Variants in RGL1 observed in about 807,000 individuals in gnomAD.
RGL1 encodes ral guanine nucleotide dissociation stimulator like 1.
Under a neutral mutation model 95.2 loss-of-function variants are expected in RGL1, and 24 were observed. The observed-to-expected ratio is 0.25, with a 90% CI of 0.18 to 0.35. The LOEUF is 0.35. RGL1 is among the 10% of genes least tolerant of loss of function. The pLI is 1.00. For synonymous variants in RGL1, 329 were observed against 344.9 expected (o/e 0.95, Z 0.51); for missense variants, 715 against 936.3 (o/e 0.76, Z 3.08).
At chr1:183,856,174 A>G (rs185728825) in intron 3 of RGL1, among the ~76,000 whole-genome samples, 2 of 152,282 alleles carry the variant, frequency 1.3e-5, no homozygotes, top group Admixed American at 6.5e-5. Flanking sequence ...GAAGGCTGCT[A>G]TTTAAGATTT....
At chr1:183,788,587 A>G (rs1361383145) in intron 2 of RGL1, among the ~76,000 whole-genome samples, 1 of 152,184 alleles carries the variant, frequency 6.6e-6, no homozygotes, top group African/African-American at 2.4e-5. Context: ...AGCAGTATGT[A>G]TCATTTAGTA....
chr1:183,873,510 G>A (rs568574985), intron 4 of RGL1, among the ~76,000 whole-genome samples: 29 of 152,190 alleles, frequency 1.9e-4, no homozygotes, highest in South Asian at 8.3e-4. Flanking sequence ...TTGAACTCCC[G>A]TCCAACTGAC....
At chr1:183,718,446 A>T (rs1034843050) in intron 1 of RGL1, among the ~76,000 whole-genome samples, 1 of 152,230 alleles carries the variant, frequency 6.6e-6, no homozygotes, top group East Asian at 1.9e-4. Context: ...AAACTTTTTC[A>T]TATCAACCTA....
intron 1 of RGL1, among the ~76,000 whole-genome samples, chr1:183,658,502 G>A (rs1651359584): frequency 6.6e-6 from 1 of 152,132 alleles, no homozygotes; most frequent in Admixed American, 6.5e-5. Context: ...AGCGAGGCTG[G>A]GGGAGGGGTG....
At chr1:183,918,606 G>A (rs974269195) in intron 16 of RGL1, among the ~76,000 whole-genome samples, 4 of 152,330 alleles carry the variant, frequency 2.6e-5, no homozygotes, top group Admixed American at 1.3e-4. Context: ...CTACTGCCCA[G>A]GAGGAGTCAC....
At chr1:183,768,571 C>A (rs980752000) in intron 2 of RGL1, among the ~76,000 whole-genome samples, 6 of 144,886 alleles carry the variant, frequency 4.1e-5, no homozygotes, top group African/African-American at 1.5e-4. Context: ...TGGACTCAAG[C>A]AATCCTCCCA....
chr1:183,713,038 T>C (rs1655379912), intron 1 of RGL1, among the ~76,000 whole-genome samples: 1 of 152,136 alleles, frequency 6.6e-6, no homozygotes, highest in Admixed American at 6.5e-5. Flanking sequence ...TTTTTTGTTT[T>C]GTTTTGAGAC....
rs1452334739 is a variant in RGL1, at chr1:183,897,904, C to G, written c.1230+7C>G. On this transcript the variant is annotated splice_region_variant and intron_variant, in intron 10 of 17. Coordinates refer to ENST00000360851, the MANE Select transcript of RGL1 (RefSeq NM_001297671.3). ...GCAGCTCCAGAAGGACATGGTATGTCTGGCCCTCGTCTTCCCTGACAGCTC... is the reference window on the plus strand; with the variant it reads ...GCAGCTCCAGAAGGACATGGTATGTGTGGCCCTCGTCTTCCCTGACAGCTC... The G allele has an allele frequency of 6.2e-7, 1 of 1,612,600 alleles. No homozygotes were observed. The highest frequency in any genetic ancestry group is 8.5e-7 in the Non-Finnish European group (1 of 1,178,696).
intron 4 of RGL1, among the ~76,000 whole-genome samples, chr1:183,866,284 G>C (rs1208412409): frequency 1.3e-5 from 2 of 151,996 alleles, no homozygotes; most frequent in African/African-American, 2.4e-5. Flanking sequence ...TTGTGCTAAG[G>C]TATACAAAAC....
intron 4 of RGL1, among the ~76,000 whole-genome samples, chr1:183,873,670 AC>A (rs1339407787): frequency 4.6e-5 from 7 of 152,288 alleles, no homozygotes; most frequent in Admixed American, 4.6e-4. Context: ...CATTGTTGTG[AC>A]TAATGTTTTA....
chr1:183,692,361 C>T (rs185319393), intron 1 of RGL1, among the ~76,000 whole-genome samples: 54 of 152,234 alleles, frequency 3.5e-4, no homozygotes, highest in African/African-American at 1.2e-3. Flanking sequence ...CAATCCATTC[C>T]CAATGGGGAG....
chr1:183,663,047 A>T (rs1207601254), intron 1 of RGL1, among the ~76,000 whole-genome samples: 1 of 151,528 alleles, frequency 6.6e-6, no homozygotes, highest in Non-Finnish European at 1.5e-5. Flanking sequence ...CTTACACCTT[A>T]TACAAAAATT....
chr1:183,838,928 A>G (rs1663848739), intron 2 of RGL1, among the ~76,000 whole-genome samples: 1 of 152,246 alleles, frequency 6.6e-6, no homozygotes, highest in Non-Finnish European at 1.5e-5. Flanking sequence ...GGCTCGTGCA[A>G]GAGGTTCAAG....
At chr1:183,752,420 T>A (rs1410336356) in intron 2 of RGL1, among the ~76,000 whole-genome samples, 8 of 151,962 alleles carry the variant, frequency 5.3e-5, no homozygotes. Context: ...ACAGACGGGG[T>A]CTCACCATGT....
At chr1:183,838,120 T>C (rs760803843) in intron 2 of RGL1, among the ~76,000 whole-genome samples, 1 of 152,206 alleles carries the variant, frequency 6.6e-6, no homozygotes, top group Non-Finnish European at 1.5e-5. Flanking sequence ...AATTATTTTA[T>C]TTGAAAAATG....
chr1:183,892,159 A>G lies in RGL1; in HGVS notation c.1138A>G (p.Lys380Glu). Residue 380 changes from lysine (K) to glutamate (E), a missense_variant and splice_region_variant, in exon 9 of 18, where the codon AAG becomes GAG. Lys to Glu is a moderately conservative substitution (Grantham distance 56). This residue lies in a region of RGL1 where 381 missense variants were observed against 484.8 expected (regional missense o/e 0.79). Coordinates refer to ENST00000360851, the MANE Select transcript of RGL1 (RefSeq NM_001297671.3). Reference sequence around the variant, plus strand: ...TTTGACCAGCCGAGAACTACTGATGAAGGTGAGGCTCTTAGTGAGGCTGCT... The same window carrying G: ...TTTGACCAGCCGAGAACTACTGATGGAGGTGAGGCTCTTAGTGAGGCTGCT... ...NHLTSRELLM[K>E]EGTSKFANLD... 1.2e-6 allele frequency: 2 copies of G among 1,607,860 alleles called. No individual in the cohort carries two copies. Among genetic ancestry groups the G allele is most frequent in the Non-Finnish European group, 1.7e-6 (2 of 1,174,848 alleles).
chr1:183,693,743 C>A (rs901782440), intron 1 of RGL1, among the ~76,000 whole-genome samples: 1 of 152,082 alleles, frequency 6.6e-6, no homozygotes, highest in African/African-American at 2.4e-5. Context: ...GTAGTGCCTA[C>A]ACTACCTGTA....
intron 1 of RGL1, among the ~76,000 whole-genome samples, chr1:183,637,537 C>A (rs1177138823): frequency 6.6e-6 from 1 of 151,730 alleles, no homozygotes; most frequent in Non-Finnish European, 1.5e-5. Flanking sequence ...TCTTTAAGTT[C>A]AAAAAAATAC....
intron 2 of RGL1, among the ~76,000 whole-genome samples, chr1:183,777,776 G>A (rs1279831512): frequency 1.3e-5 from 2 of 152,182 alleles, no homozygotes; most frequent in Admixed American, 1.3e-4. Flanking sequence ...ACATGACAAA[G>A]TTCCTGGCCA....
Sources: allele counts gnomAD v4.1 joint callset (sites outside exome capture counted in the v4.1 genomes callset), GRCh38; gene constraint gnomAD v4.1.1; regional missense constraint gnomAD v4.1.1; transcripts MANE v1.5; gene names NCBI Gene and HGNC (gene_info 2026-07-23, HGNC 2026-07-21).